The following AKAP12 variants were observed in gnomAD, a reference collection of about 807,000 sequenced individuals.
The protein encoded by AKAP12 is A-kinase anchor protein 12.
Under a neutral mutation model 79.9 loss-of-function variants are expected in AKAP12, and 32 were observed. The ratio of observed to expected loss-of-function variants is 0.40; its 90% CI spans 0.30 to 0.54. The LOEUF (loss-of-function observed/expected upper bound fraction) is 0.54, where lower values mean the gene tolerates loss of function less well. Ranked by LOEUF, AKAP12 falls within the 20% of genes least tolerant of loss-of-function variation. The pLI is 0.48. For synonymous variants in AKAP12, 808 were observed against 857.0 expected (o/e 0.94, Z 1.00); for missense variants, 2,074 against 2,177.0 (o/e 0.95, Z 0.94).
chr6:151,315,197 C>A (rs2114770202), intron 3 of AKAP12, among the ~76,000 whole-genome samples: 1 of 152,266 alleles, frequency 6.6e-6, no homozygotes, highest in Non-Finnish European at 1.5e-5. Context: ...GCTGTTGTAA[C>A]AAAATACCTT....
chr6:151,247,619 C>T lies in AKAP12; in HGVS notation c.162+6895C>T, dbSNP rs529683625. On this transcript the variant is annotated intron_variant, in intron 2 of 4. Transcript: ENST00000402676. ...AGCTATCACTTTTAAAATTTCTTCT[C>T]TTGGAACAATCTAAAATCATTTAGT... 1.9e-3 allele frequency among the ~76,000 whole-genome samples: 282 copies of T among 152,224 alleles called. 2 individuals carry two copies. The highest frequency in any genetic ancestry group is 6.5e-3 in the African/African-American group (270 of 41,522).
intron 2 of AKAP12, among the ~76,000 whole-genome samples, chr6:151,293,280 T>G (rs778829758): frequency 2.4e-4 from 37 of 152,226 alleles, no homozygotes; most frequent in Non-Finnish European, 4.7e-4. Flanking sequence ...GAGTGAGAAC[T>G]GAGATCTTGA....
intron 4 of AKAP12, among the ~76,000 whole-genome samples, chr6:151,355,342 C>T (rs545641360): frequency 8.7e-5 from 13 of 149,354 alleles, no homozygotes; most frequent in Non-Finnish European, 1.2e-4. Context: ...CTCGCTCTGT[C>T]GCCAGGCTGG....
intron 3 of AKAP12, among the ~76,000 whole-genome samples, chr6:151,334,829 T>A (rs934149156): frequency 6.6e-6 from 1 of 151,984 alleles, no homozygotes; most frequent in African/African-American, 2.4e-5. Context: ...TTCTCCGTGG[T>A]AGCCAGGATG....
chr6:151,286,670 T>A (rs368660417), intron 2 of AKAP12, among the ~76,000 whole-genome samples: 6 of 152,302 alleles, frequency 3.9e-5, no homozygotes, highest in East Asian at 1.9e-4. Context: ...AGGTATCCGT[T>A]ATCTATTATT....
In AKAP12 at chr6:151,318,546, G is replaced by A. The variant is rs116602265; in HGVS notation, c.319+12643G>A. Among the ~76,000 whole-genome samples, 332 of 152,260 alleles carry A rather than the reference G, an allele frequency of 2.2e-3. 2 individuals are homozygous for A. Among genetic ancestry groups the A allele is most frequent in the African/African-American group, 7.6e-3 (316 of 41,556 alleles). ...CTTATGTAGCTCATGGACTCCTTTT[G>A]GTCTTCAGTTTTCTGAATATCTTGT... On this transcript the variant is annotated intron_variant, in intron 3 of 4. Transcript: ENST00000402676.
At chr6:151,244,720 A>G (rs1191526179) in intron 2 of AKAP12, among the ~76,000 whole-genome samples, 1 of 152,230 alleles carries the variant, frequency 6.6e-6, no homozygotes, top group Non-Finnish European at 1.5e-5. Context: ...TATGTTTCTT[A>G]ATAGAGGGAT....
intron 3 of AKAP12, among the ~76,000 whole-genome samples, chr6:151,327,027 G>T (rs1777546999): frequency 6.6e-6 from 1 of 151,908 alleles, no homozygotes; most frequent in African/African-American, 2.4e-5. Context: ...AAGTTGGCCA[G>T]GATGGTCTCG....
chr6:151,352,442 A>T lies in AKAP12; in HGVS notation c.4051A>T (p.Thr1351Ser). Residue 1351 changes from threonine to serine, a missense_variant, in exon 4 of 5, where the codon ACC (threonine) becomes TCC (serine). Thr to Ser is a moderately conservative substitution (Grantham distance 58). Transcript: ENST00000402676. ...AAGGGAGAAAACAGAAGCAGAGCCA[A>T]CCCATGTGAATGAAGAGAAGCTTGA... ...VEREKTEAEP[T>S]HVNEEKLEHE... 6.2e-7 allele frequency: 1 copy of T among 1,614,184 alleles called. No homozygotes were observed. The highest frequency in any genetic ancestry group is 8.5e-7 in the Non-Finnish European group (1 of 1,180,030).
At chr6:151,241,928 A>T (rs1273811295) in intron 2 of AKAP12, among the ~76,000 whole-genome samples, 1 of 151,712 alleles carries the variant, frequency 6.6e-6, no homozygotes, top group East Asian at 1.9e-4. Flanking sequence ...TTAATAATAT[A>T]GTTTTTACCG....
chr6:151,265,024 G>A (rs1038087104), intron 2 of AKAP12, among the ~76,000 whole-genome samples: 3 of 151,824 alleles, frequency 2.0e-5, no homozygotes, highest in African/African-American at 7.3e-5. Flanking sequence ...GATGGTGGGT[G>A]CCTATAATCC....
intron 2 of AKAP12, among the ~76,000 whole-genome samples, chr6:151,267,270 G>A (rs1776067306): frequency 6.6e-6 from 1 of 152,144 alleles, no homozygotes; most frequent in Non-Finnish European, 1.5e-5. Flanking sequence ...CTGTGAGAAG[G>A]TGGTTAATAT....
At position 151,337,524 on chromosome 6, in the gene AKAP12, A is replaced by AAAAAG. The variant is rs535027217; in HGVS notation, c.320-11184_320-11183insAGAAA. Among the ~76,000 whole-genome samples the AAAAAG allele has an allele frequency of 9.6e-4, 125 of 129,798 alleles. 2 individuals carry two copies. The highest frequency in any genetic ancestry group is 1.5e-3 in the South Asian group (6 of 3,968). The allele number at this position is 129,798 out of a possible 152,430, so 85.2% of individuals were successfully genotyped here. On this transcript the variant is annotated intron_variant, in intron 3 of 4. Coordinates refer to ENST00000402676, the MANE Select transcript of AKAP12 (RefSeq NM_005100.4). Reference sequence around the variant, plus strand: ...GAGTTTCCGTCTCGAAAAAAAAAAAAAAAGAAAGAAAGAAAGATAACTGTA... The same window carrying AAAAAG: ...GAGTTTCCGTCTCGAAAAAAAAAAAAAAAAGAAAGAAAGAAAGAAAGATAACTGTA...
chr6:151,260,770 GA>G (rs199944517), intron 2 of AKAP12, among the ~76,000 whole-genome samples: 14,715 of 152,072 alleles, frequency 0.097, 1,161 homozygotes, highest in East Asian at 0.27. Context: ...CCAGTGGGCG[GA>G]TCACCTGAGG....
At chr6:151,307,303 C>A (rs529958716) in intron 3 of AKAP12, among the ~76,000 whole-genome samples, 2 of 152,316 alleles carry the variant, frequency 1.3e-5, no homozygotes, top group East Asian at 3.9e-4. Context: ...TCAGCAGATT[C>A]CAAAACCACT....
chr6:151,246,567 C>G (rs1797079236), intron 2 of AKAP12, among the ~76,000 whole-genome samples: 1 of 152,150 alleles, frequency 6.6e-6, no homozygotes, highest in South Asian at 2.1e-4. Flanking sequence ...CCAATACTTG[C>G]CAATGTGCTA....
At chr6:151,325,621 G>A (rs1040433393) in intron 3 of AKAP12, 2 of 1,371,874 alleles carry the variant, frequency 1.5e-6, no homozygotes, top group Non-Finnish European at 1.9e-6. Context: ...GTGGCTGGGT[G>A]GGGGCGTGGG....
intron 2 of AKAP12, among the ~76,000 whole-genome samples, chr6:151,258,677 G>T (rs1721361913): frequency 6.6e-6 from 1 of 152,058 alleles, no homozygotes; most frequent in Non-Finnish European, 1.5e-5. Context: ...ACAGGGTCTT[G>T]CTCTGTTGCC....
At chr6:151,329,588 A>G (rs776016946) in intron 3 of AKAP12, among the ~76,000 whole-genome samples, 4 of 152,238 alleles carry the variant, frequency 2.6e-5, no homozygotes, top group African/African-American at 4.8e-5. Flanking sequence ...TAGATTATTT[A>G]TAATGCACTT....
Sources: allele counts gnomAD v4.1 joint callset (sites outside exome capture counted in the v4.1 genomes callset), GRCh38; gene constraint gnomAD v4.1.1; transcripts MANE v1.5; gene names NCBI Gene and HGNC (gene_info 2026-07-23, HGNC 2026-07-21).